CDK14: variants seen among roughly 807,000 people sequenced by gnomAD.
CDK14 encodes cyclin-dependent kinase 14.
In CDK14, 34 loss-of-function variants were observed where a neutral mutation model predicts 60.7. The observed-to-expected ratio is 0.56, with a 90% CI of 0.43 to 0.75. CDK14 has a LOEUF of 0.75. CDK14 is among the 30% of genes least tolerant of loss of function. The probability of loss-of-function intolerance (pLI) is 0.00; values close to 1 mark genes in which losing one functional copy is unlikely to be tolerated. For missense variants in CDK14, 482 were observed against 564.1 expected (o/e 0.85, Z 1.47); for synonymous variants, 197 against 203.7 (o/e 0.97, Z 0.28).
intron 14 of CDK14, among the ~76,000 whole-genome samples, chr7:91,180,141 G>C (rs1801949298): frequency 6.6e-6 from 1 of 152,146 alleles, no homozygotes; most frequent in South Asian, 2.1e-4. Context: ...CTTGTCAGCT[G>C]AGGTGCAGAA....
chr7:90,984,535 T>G (rs1202048026), intron 10 of CDK14, among the ~76,000 whole-genome samples: 1 of 152,158 alleles, frequency 6.6e-6, no homozygotes, highest in African/African-American at 2.4e-5. Flanking sequence ...AAATAATTGC[T>G]ATATAGATAC....
At chr7:90,713,135 C>G (rs748847151) in intron 2 of CDK14, among the ~76,000 whole-genome samples, 33 of 152,058 alleles carry the variant, frequency 2.2e-4, no homozygotes, top group Admixed American at 5.9e-4. Flanking sequence ...GTAAGCCTAG[C>G]TTCATCAATA....
At chr7:91,153,277 G>T (rs1800875279) in intron 14 of CDK14, among the ~76,000 whole-genome samples, 3 of 152,188 alleles carry the variant, frequency 2.0e-5, no homozygotes, top group African/African-American at 7.2e-5. Flanking sequence ...AGGAATGCTT[G>T]TACAGTGTTG....
At chr7:90,610,971 C>T (rs972048165) in intron 2 of CDK14, among the ~76,000 whole-genome samples, 6 of 152,202 alleles carry the variant, frequency 3.9e-5, no homozygotes, top group Non-Finnish European at 5.9e-5. Flanking sequence ...TCCCTGTCAA[C>T]ATCCTGCCCA....
chr7:90,678,897 A>G (rs1453819636), intron 2 of CDK14, among the ~76,000 whole-genome samples: 1 of 152,244 alleles, frequency 6.6e-6, no homozygotes, highest in Admixed American at 6.5e-5. Flanking sequence ...TCAGTAGCCT[A>G]CAAAGGAATC....
At chr7:91,183,346 T>C (rs1279852556) in intron 14 of CDK14, among the ~76,000 whole-genome samples, 1 of 152,290 alleles carries the variant, frequency 6.6e-6, no homozygotes, top group South Asian at 2.1e-4. Context: ...TGGTCTCTTC[T>C]CCCCTTACAA....
intron 11 of CDK14, among the ~76,000 whole-genome samples, chr7:91,068,132 C>A (rs1798031424): frequency 6.6e-6 from 1 of 152,198 alleles, no homozygotes; most frequent in Non-Finnish European, 1.5e-5. Flanking sequence ...CTAGACTATG[C>A]CCTTAAATTC....
intron 11 of CDK14, among the ~76,000 whole-genome samples, chr7:91,058,647 A>G (rs1797666379): frequency 6.6e-6 from 1 of 152,218 alleles, no homozygotes; most frequent in African/African-American, 2.4e-5. Flanking sequence ...CTTTTTCTGC[A>G]TCTATTGAGA....
chr7:90,880,595 A>G (rs776518081), intron 6 of CDK14, among the ~76,000 whole-genome samples: 5 of 152,134 alleles, frequency 3.3e-5, no homozygotes, highest in African/African-American at 4.8e-5. Context: ...GTGCTTCCTT[A>G]AATAGTTCCT....
intron 2 of CDK14, among the ~76,000 whole-genome samples, chr7:90,627,386 A>T (rs1361820705): frequency 2.6e-5 from 4 of 152,054 alleles, no homozygotes; most frequent in Admixed American, 6.6e-5. Flanking sequence ...AGTTTTAAAA[A>T]TTTTTTGTAG....
chr7:90,812,043 G>C (rs1789143405), intron 5 of CDK14, among the ~76,000 whole-genome samples: 2 of 152,176 alleles, frequency 1.3e-5, no homozygotes, highest in African/African-American at 2.4e-5. Context: ...TTCAACCATT[G>C]TGGAAGTCAG....
chr7:90,684,722 G>C (rs968954424), intron 2 of CDK14, among the ~76,000 whole-genome samples: 1 of 151,886 alleles, frequency 6.6e-6, no homozygotes, highest in Non-Finnish European at 1.5e-5. Flanking sequence ...AAAGAATTTG[G>C]GTACATATTT....
chr7:90,947,067 C>G (rs1794123476), intron 8 of CDK14, among the ~76,000 whole-genome samples: 1 of 152,208 alleles, frequency 6.6e-6, no homozygotes. Context: ...GCAGTATTTC[C>G]TTAACGATTT....
intron 4 of CDK14, among the ~76,000 whole-genome samples, chr7:90,758,389 C>T (rs917011540): frequency 6.6e-6 from 1 of 152,038 alleles, no homozygotes; most frequent in Non-Finnish European, 1.5e-5. Context: ...GTTCTCTCTT[C>T]TAAATTCCTG....
intron 10 of CDK14, among the ~76,000 whole-genome samples, chr7:91,031,944 C>G (rs1295752360): frequency 1.3e-5 from 2 of 152,192 alleles, no homozygotes. Flanking sequence ...GAGCACTCAC[C>G]TTCCGTCTGT....
intron 10 of CDK14, among the ~76,000 whole-genome samples, chr7:91,009,033 C>T (rs958797510): frequency 6.6e-6 from 1 of 152,100 alleles, no homozygotes; most frequent in Non-Finnish European, 1.5e-5. Context: ...CTGCTTCCAT[C>T]CCCAAGCGAC....
chr7:91,141,963 C>T (rs1800476946), intron 14 of CDK14, among the ~76,000 whole-genome samples: 1 of 151,890 alleles, frequency 6.6e-6, no homozygotes, highest in Non-Finnish European at 1.5e-5. Flanking sequence ...GTAGCTGGGA[C>T]TACAGGCGTC....
At chr7:91,025,988 A>T (rs1465941821) in intron 10 of CDK14, among the ~76,000 whole-genome samples, 1 of 152,186 alleles carries the variant, frequency 6.6e-6, no homozygotes, top group African/African-American at 2.4e-5. Flanking sequence ...GCTGAAAATT[A>T]AAAATCTAGG....
chr7:90,659,473 G>A (rs140993248), intron 2 of CDK14, among the ~76,000 whole-genome samples: 1 of 152,242 alleles, frequency 6.6e-6, no homozygotes, highest in African/African-American at 2.4e-5. Context: ...GTTTCTTGCT[G>A]AAATGACAGA....
Sources: gnomAD v4.1 joint callset for allele counts (sites outside exome capture counted in the v4.1 genomes callset) on GRCh38, gnomAD v4.1.1 for gene constraint, MANE v1.5 for transcripts, NCBI Gene and HGNC (gene_info 2026-07-23, HGNC 2026-07-21) for gene names.